The following CELF2 variants were observed in gnomAD, a reference collection of about 807,000 sequenced individuals.
The protein encoded by CELF2 is CUGBP Elav-like family member 2, also known as CUG triplet repeat RNA-binding protein 2.
In CELF2, 8 loss-of-function variants were observed where a neutral mutation model predicts 62.6. The observed-to-expected ratio is 0.13, with a 90% CI of 0.07 to 0.23. CELF2 has a LOEUF of 0.23. Among genes scored for constraint, CELF2 ranks in the 10% least tolerant of loss-of-function variants. CELF2 has a pLI of 1.00. For synonymous variants in CELF2, 258 were observed against 250.0 expected, an observed-to-expected ratio of 1.03 and a Z score of -0.30; for missense variants, 333 against 671.0, an observed-to-expected ratio of 0.50 and a Z score of 5.56.
In CELF2 at chr10:11,037,082, AGATG is replaced by A. The variant is rs1258419117; in HGVS notation, c.74+18920_74+18923del. On this transcript the variant is annotated intron_variant, in intron 1 of 12. Transcript: ENST00000633077. Reference sequence around the variant, plus strand: ...CCGTTCTCACACTGCTAATAAAGAAAGATGTACCTGAGACTGAGTAATTTATAAA... The same window carrying A: ...CCGTTCTCACACTGCTAATAAAGAAATACCTGAGACTGAGTAATTTATAAA... 3.6e-5 allele frequency among the ~76,000 whole-genome samples: 5 copies of A among 139,550 alleles called. No individual in the cohort carries two copies. In the East Asian group the frequency reaches 1.1e-3, roughly 32 times the overall value. 91.6% of individuals were successfully genotyped at this position (139,550 alleles called of 152,430 possible). A position where few individuals can be genotyped will look rare whatever the true frequency, so the allele number is the denominator to read the frequency against.
the CELF2 span, among the ~76,000 whole-genome samples, chr10:10,708,409 T>C: frequency 1.3e-5 from 2 of 152,214 alleles, no homozygotes; most frequent in Non-Finnish European, 2.9e-5. Flanking sequence ...AATTTATGTA[T>C]GGCTGGTACC....
chr10:11,094,317 GGAA>G (rs2049166350), intron 1 of CELF2, among the ~76,000 whole-genome samples: 1 of 152,158 alleles, frequency 6.6e-6, no homozygotes, highest in Non-Finnish European at 1.5e-5. Context: ...GCATGGCGTT[GGAA>G]GAAAAGTTTG....
chr10:11,189,063 G>A (rs1325427662), intron 2 of CELF2, among the ~76,000 whole-genome samples: 1 of 152,032 alleles, frequency 6.6e-6, no homozygotes, highest in African/African-American at 2.4e-5. Context: ...GCTAATTCTA[G>A]CATCTGTATG....
intron 7 of CELF2, among the ~76,000 whole-genome samples, chr10:11,273,016 G>A (rs1177559631): frequency 6.6e-6 from 1 of 152,142 alleles, no homozygotes; most frequent in East Asian, 1.9e-4. Flanking sequence ...TATTACAGTG[G>A]GCAGTCCCTA....
intron 1 of CELF2, among the ~76,000 whole-genome samples, chr10:10,870,614 A>C (rs1044849404): frequency 6.6e-6 from 1 of 152,236 alleles, no homozygotes; most frequent in Non-Finnish European, 1.5e-5. Context: ...GAGTCTGAGA[A>C]TTAGGACCAA....
chr10:11,253,729 A>G (rs565222681), intron 4 of CELF2, among the ~76,000 whole-genome samples: 4 of 152,158 alleles, frequency 2.6e-5, no homozygotes, highest in Non-Finnish European at 4.4e-5. Context: ...GTATTAACCC[A>G]TTCTCATCAT....
intron 3 of CELF2, among the ~76,000 whole-genome samples, chr10:11,230,907 G>C (rs1267973932): frequency 6.6e-6 from 1 of 152,218 alleles, no homozygotes; most frequent in African/African-American, 2.4e-5. Flanking sequence ...GTAGAGTCCT[G>C]CTGTTTCATC....
upstream of CELF2, among the ~76,000 whole-genome samples, chr10:11,001,229 A>G (rs1369693862): frequency 2.0e-5 from 3 of 152,212 alleles, no homozygotes; most frequent in Non-Finnish European, 4.4e-5. Flanking sequence ...AGTTCTCAGT[A>G]TCTGAAACTA....
At chr10:11,122,629 T>C (rs570573181) in intron 1 of CELF2, among the ~76,000 whole-genome samples, 18 of 152,362 alleles carry the variant, frequency 1.2e-4, no homozygotes, top group African/African-American at 4.3e-4. Context: ...TTTGAGTTCC[T>C]TTCCCCCTCC....
At chr10:11,194,017 G>A (rs556451013) in intron 2 of CELF2, among the ~76,000 whole-genome samples, 5 of 152,066 alleles carry the variant, frequency 3.3e-5, no homozygotes, top group Admixed American at 6.5e-5. Flanking sequence ...ATTTTGGTGC[G>A]TTTCATGTTT....
chr10:11,060,936 A>C lies in CELF2; in HGVS notation c.74+42773A>C, dbSNP rs2066581072. 2.0e-5 allele frequency among the ~76,000 whole-genome samples: 3 copies of C among 152,260 alleles called. No individual in the cohort carries two copies. The South Asian group carries it at 6.2e-4, about 32-fold the overall frequency. On this transcript the variant is annotated intron_variant, in intron 1 of 12. Transcript: ENST00000633077. ...TGCCATTCTCTGTCTTTCTCCCTCC[A>C]CTTGGGCTTTTCTATACCCCAAATT...
At chr10:10,647,238 A>T in the CELF2 span, among the ~76,000 whole-genome samples, 1 of 151,910 alleles carries the variant, frequency 6.6e-6, no homozygotes. Context: ...TCAACCCTAC[A>T]CCTGCTTCAG....
At chr10:11,133,774 G>A (rs1033900793) in intron 1 of CELF2, among the ~76,000 whole-genome samples, 1 of 152,156 alleles carries the variant, frequency 6.6e-6, no homozygotes, top group African/African-American at 2.4e-5. Context: ...TGGGGTCTCT[G>A]CTGACCCAGA....
intron 1 of CELF2, among the ~76,000 whole-genome samples, chr10:11,094,225 A>G (rs1395212875): frequency 1.3e-5 from 2 of 152,230 alleles, no homozygotes; most frequent in Non-Finnish European, 2.9e-5. Context: ...ACTTTACGCT[A>G]AGTACACAAC....
At chr10:10,631,819 T>C in the CELF2 span, among the ~76,000 whole-genome samples, 8 of 152,152 alleles carry the variant, frequency 5.3e-5, no homozygotes, top group African/African-American at 1.9e-4. Context: ...GGGAAAAGTA[T>C]TGAGCAGAGA....
the CELF2 span, chr10:10,792,378 C>A: frequency 2.5e-6 from 1 of 398,280 alleles, no homozygotes; most frequent in Non-Finnish European, 4.4e-6. Context: ...CTACCTTTTT[C>A]TCGTTGTAAT....
chr10:11,096,716 A>G (rs1367788968), intron 1 of CELF2, among the ~76,000 whole-genome samples: 1 of 152,190 alleles, frequency 6.6e-6, no homozygotes, highest in Non-Finnish European at 1.5e-5. Context: ...CTCAGAAGCA[A>G]TTCTGAGTAT....
At chr10:10,623,989 G>A in the CELF2 span, among the ~76,000 whole-genome samples, 1 of 152,158 alleles carries the variant, frequency 6.6e-6, no homozygotes, top group Admixed American at 6.5e-5. Flanking sequence ...CATCTGATAA[G>A]ACTATGATAA....
chr10:10,488,418 A>T, the CELF2 span, among the ~76,000 whole-genome samples: 1 of 152,156 alleles, frequency 6.6e-6, no homozygotes, highest in Non-Finnish European at 1.5e-5. Flanking sequence ...TGCCTGATAG[A>T]CTTGTGTTCA....
Sources: gnomAD v4.1 joint callset for allele counts (sites outside exome capture counted in the v4.1 genomes callset) on GRCh38, gnomAD v4.1.1 for gene constraint, MANE v1.5 for transcripts, NCBI Gene and HGNC (gene_info 2026-07-23, HGNC 2026-07-21) for gene names.